The following AMMECR1 variants were observed in gnomAD, a reference collection of about 807,000 sequenced individuals.
AMMECR1 encodes AMMECR nuclear protein 1, also known as nuclear protein AMMECR1.
In AMMECR1, 3 loss-of-function variants were observed where a neutral mutation model predicts 22.5. The observed-to-expected ratio is 0.13, with a 90% CI of 0.06 to 0.35. The LOEUF is 0.35. Among genes scored for constraint, AMMECR1 ranks in the 10% least tolerant of loss-of-function variants. The pLI, the probability that AMMECR1 is intolerant of heterozygous loss-of-function variation, is 1.00. For synonymous variants in AMMECR1, 130 were observed against 116.7 expected (o/e 1.11, Z -0.74); for missense variants, 235 against 278.7 (o/e 0.84, Z 1.12).
At chrX:110,225,616 C>T (rs748944518) in intron 2 of AMMECR1, among the ~76,000 whole-genome samples, 1 of 112,137 alleles carries the variant, frequency 8.9e-6, no homozygotes, top group Non-Finnish European at 1.9e-5. Context: ...GGAATATCTG[C>T]ATTATACTGG....
intron 1 of AMMECR1, among the ~76,000 whole-genome samples, chrX:110,294,285 G>A (rs2067923586): frequency 8.9e-6 from 1 of 111,822 alleles, no homozygotes; most frequent in Non-Finnish European, 1.9e-5. Context: ...TACTAGCACT[G>A]TGTCCTTTCT....
chrX:110,411,035 T>C (rs2068638583), intron 2 of AMMECR1, among the ~76,000 whole-genome samples: 1 of 112,595 alleles, frequency 8.9e-6, no homozygotes, highest in African/African-American at 3.2e-5. Flanking sequence ...TGTGAGGTAT[T>C]TCAGCAGCGA....
chrX:110,211,694 T>C lies in AMMECR1; in HGVS notation c.699+4824A>G, dbSNP rs913418888. Among the ~76,000 whole-genome samples the C allele has an allele frequency of 3.6e-5, 4 of 112,257 alleles. No individual in the cohort carries two copies. The South Asian group carries it at 1.5e-3, about 42-fold the overall frequency. The stretch of plus-strand genomic sequence containing the variant: ...GCAATTTTCCTCATTTAACAACCAT[T>C]TTAGCCTTGCAGGTAGACATTCCAA... On this transcript the variant is annotated intron_variant, in intron 3 of 5. Coordinates refer to ENST00000262844, the MANE Select transcript of AMMECR1 (RefSeq NM_015365.3).
intron 1 of AMMECR1, among the ~76,000 whole-genome samples, chrX:110,305,849 G>A (rs967562532): frequency 1.8e-5 from 2 of 110,949 alleles, no homozygotes; most frequent in African/African-American, 3.3e-5. Flanking sequence ...TGGGCATGGT[G>A]GCACACACCT....
At chrX:110,211,605 G>T (rs373534300) in intron 3 of AMMECR1, among the ~76,000 whole-genome samples, 23 of 112,448 alleles carry the variant, frequency 2.0e-4, no homozygotes, top group East Asian at 1.7e-3. Context: ...GAAGAACACA[G>T]AACAATGGTG....
At chrX:110,198,843 C>T (rs754783450) in intron 5 of AMMECR1, among the ~76,000 whole-genome samples, 2 of 111,464 alleles carry the variant, frequency 1.8e-5, no homozygotes, top group African/African-American at 3.3e-5. Flanking sequence ...GTGCTCTTTG[C>T]ACTCTACTAC....
chrX:110,344,740 A>G (rs1370704005), intron 2 of AMMECR1, among the ~76,000 whole-genome samples: 2 of 111,858 alleles, frequency 1.8e-5, no homozygotes, highest in Non-Finnish European at 3.8e-5. Context: ...AGACACATGA[A>G]AAAATGCTCA....
At chrX:110,269,028 G>A (rs1327464662) in intron 1 of AMMECR1, among the ~76,000 whole-genome samples, 2 of 111,943 alleles carry the variant, frequency 1.8e-5, no homozygotes, top group Non-Finnish European at 3.8e-5. Flanking sequence ...GAAACCTTTG[G>A]AGAAAAGTAA....
At chrX:110,429,592 C>T (rs1197897993) in intron 1 of AMMECR1, among the ~76,000 whole-genome samples, 4 of 109,371 alleles carry the variant, frequency 3.7e-5, no homozygotes, top group Admixed American at 2.9e-4. Context: ...AAGTGATTCT[C>T]CTGCCTCAGC....
At chrX:110,265,977 C>G (rs2067766587) in intron 1 of AMMECR1, among the ~76,000 whole-genome samples, 1 of 111,605 alleles carries the variant, frequency 9.0e-6, no homozygotes, top group Admixed American at 9.5e-5. Context: ...TTACCATCTT[C>G]CAAGAGCCAA....
At chrX:110,231,126 C>A (rs2067563434) in intron 2 of AMMECR1, among the ~76,000 whole-genome samples, 1 of 111,923 alleles carries the variant, frequency 8.9e-6, no homozygotes, top group Admixed American at 9.4e-5. Flanking sequence ...TCCAGGAGAA[C>A]TTCCCCAACC....
chrX:110,430,231 C>G (rs188356817), intron 1 of AMMECR1, among the ~76,000 whole-genome samples: 1 of 112,617 alleles, frequency 8.9e-6, no homozygotes, highest in South Asian at 3.7e-4. Context: ...GGTACTTTAC[C>G]GCTTCTTTTG....
At chrX:110,215,029 TG>T (rs1481358289) in intron 3 of AMMECR1, among the ~76,000 whole-genome samples, 4 of 112,288 alleles carry the variant, frequency 3.6e-5, no homozygotes, top group African/African-American at 1.3e-4. Flanking sequence ...CCATAATATT[TG>T]TAGACTTTTC....
At chrX:110,403,473 C>T (rs144244010) in intron 2 of AMMECR1, among the ~76,000 whole-genome samples, 7 of 111,398 alleles carry the variant, frequency 6.3e-5, no homozygotes, top group East Asian at 5.7e-4. Flanking sequence ...CACACGCATG[C>T]GCGCACACAC....
At position 110,196,399 on chromosome X, in the gene AMMECR1, GTTT is replaced by G. The variant is rs112762245; in HGVS notation, c.*2118_*2120del. 1.0e-5 allele frequency: 1 copy of G among 99,485 alleles called. No individual in the cohort carries two copies. Among genetic ancestry groups the G allele is most frequent in the Non-Finnish European group, 2.1e-5 (1 of 48,773 alleles). 8.2% of individuals were successfully genotyped at this position (99,485 alleles called of 1,213,427 possible). On this transcript the variant is annotated 3_prime_UTR_variant, in exon 6 of 6. Transcript: ENST00000262844. ...TTTCCTTTTTTTTGTTTTTTGTTTTGTTTTTTTTTTGTTTGTTTTTTTTTGCAG... is the reference window on the plus strand; with the variant it reads ...TTTCCTTTTTTTTGTTTTTTGTTTTGTTTTTTTGTTTGTTTTTTTTTGCAG...
chrX:110,427,181 C>G (rs1362417330), intron 1 of AMMECR1, among the ~76,000 whole-genome samples: 1 of 112,159 alleles, frequency 8.9e-6, no homozygotes, highest in Admixed American at 9.4e-5. Flanking sequence ...ACAATACCTT[C>G]TGGTTTTCTC....
chrX:110,227,761 C>G (rs774371847), intron 2 of AMMECR1, among the ~76,000 whole-genome samples: 3 of 111,914 alleles, frequency 2.7e-5, no homozygotes, highest in Admixed American at 9.4e-5. Context: ...AGCCAGTATG[C>G]AAGGCGGCCT....
intron 2 of AMMECR1, among the ~76,000 whole-genome samples, chrX:110,230,785 A>G (rs1237982076): frequency 8.9e-6 from 1 of 111,854 alleles, no homozygotes; most frequent in Non-Finnish European, 1.9e-5. Flanking sequence ...AAACCTTGAA[A>G]AAAGATTAGA....
chrX:110,391,608 C>T (rs2068494038), intron 2 of AMMECR1, among the ~76,000 whole-genome samples: 1 of 112,071 alleles, frequency 8.9e-6, no homozygotes, highest in Admixed American at 9.5e-5. Flanking sequence ...ATGTCTTCTG[C>T]TGTAATTTTC....
Sources: allele counts gnomAD v4.1 joint callset (sites outside exome capture counted in the v4.1 genomes callset), GRCh38; gene constraint gnomAD v4.1.1; transcripts MANE v1.5; gene names NCBI Gene and HGNC (gene_info 2026-07-23, HGNC 2026-07-21).